Variants in MTMR2 observed in about 807,000 individuals in gnomAD.
The protein encoded by MTMR2 is phosphatidylinositol-3,5-bisphosphate 3-phosphatase MTMR2.
In MTMR2, 55 loss-of-function variants were observed where a neutral mutation model predicts 86.9. That is an observed-to-expected ratio of 0.63 (90% CI 0.51 to 0.79). The LOEUF (loss-of-function observed/expected upper bound fraction) is 0.79, where lower values mean the gene tolerates loss of function less well. Ranked by LOEUF, MTMR2 falls within the 30% of genes least tolerant of loss-of-function variation. The pLI, the probability that MTMR2 is intolerant of heterozygous loss-of-function variation, is 0.00. For synonymous variants in MTMR2, 241 were observed against 266.8 expected (o/e 0.90, Z 0.94); for missense variants, 659 against 772.3 (o/e 0.85, Z 1.74).
chr11:95,905,112 C>G (rs752986768), intron 1 of MTMR2, among the ~76,000 whole-genome samples: 2 of 152,064 alleles, frequency 1.3e-5, no homozygotes, highest in Non-Finnish European at 2.9e-5. Flanking sequence ...TACGGTTTTT[C>G]TCCTATTCCC....
rs991361566 is a variant in MTMR2 at position 95,836,058 on chromosome 11, T to C, written c.1770+90A>G. 3.1e-5 allele frequency: 39 copies of C among 1,268,920 alleles called. No homozygotes were observed. In the South Asian group the frequency reaches 4.0e-4, roughly 13 times the overall value. 78.6% of individuals were successfully genotyped at this position (1,268,920 alleles called of 1,614,324 possible). On this transcript the variant is annotated intron_variant, in intron 14 of 14. Transcript: ENST00000346299. Reference sequence around the variant, plus strand: ...AATGGGTAAGGAGTAAAGTTTTAAATATGCACAGATAATCTTTCCAGCTGC... The same window carrying C: ...AATGGGTAAGGAGTAAAGTTTTAAACATGCACAGATAATCTTTCCAGCTGC...
chr11:95,905,512 A>G (rs1001124113), intron 1 of MTMR2, among the ~76,000 whole-genome samples: 3 of 152,148 alleles, frequency 2.0e-5, no homozygotes, highest in Non-Finnish European at 4.4e-5. Context: ...CAAAAAACAA[A>G]TATGTACGGG....
At chr11:95,903,465 G>A (rs1866147790) in intron 1 of MTMR2, among the ~76,000 whole-genome samples, 1 of 152,074 alleles carries the variant, frequency 6.6e-6, no homozygotes, top group Non-Finnish European at 1.5e-5. Context: ...TACCCACACA[G>A]TTGAACGAGT....
At position 95,836,130 on chromosome 11, in the gene MTMR2, A is replaced by G. The variant is rs755619692; in HGVS notation, c.1770+18T>C. The G allele has an allele frequency of 8.8e-6, 14 of 1,587,306 alleles. No homozygotes were observed. Among genetic ancestry groups the G allele is most frequent in the South Asian group, 7.7e-5 (7 of 90,888 alleles). On this transcript the variant is annotated intron_variant, in intron 14 of 14. Transcript: ENST00000346299. ...CTGCATGAATGAAAACTCCCATTGT[A>G]TATTGTAAGGCACATACCTGTGGTT...
intron 13 of MTMR2, 114 bp from the exon 14 acceptor site, chr11:95,836,438 C>T: frequency 9.9e-7 from 1 of 1,013,982 alleles, no homozygotes; most frequent in Non-Finnish European, 1.5e-6. Context: ...AGGAAGTGGA[C>T]TTGGAGACTT....
Position 95,923,938 on chromosome 11 carries a change from C to T in MTMR2, c.17G>A (p.Ser6Asn), listed in dbSNP as rs1275277634. The T allele has an allele frequency of 6.4e-7, 1 of 1,560,946 alleles. No homozygotes were observed. The highest frequency in any genetic ancestry group is 1.7e-4 in the Middle Eastern group (1 of 5,940). The change falls in exon 1 of 15, where the codon AGC (serine) becomes AAC (asparagine). Residue 6 changes from serine (S) to asparagine (N), a missense_variant. Coordinates refer to ENST00000346299, the MANE Select transcript of MTMR2 (RefSeq NM_016156.6). The stretch of plus-strand genomic sequence containing the variant: ...CGGCTGGGAGCCAAGACTCTCGCAG[C>T]TCGAGCTCTTCTCCATCGCGCGGCA... MEKSS[S>N]CESLGSQPAA...
intron 2 of MTMR2, among the ~76,000 whole-genome samples, chr11:95,870,723 C>CTT (rs1002042311): frequency 4.2e-4 from 52 of 124,004 alleles, no homozygotes; most frequent in African/African-American, 2.0e-3. Context: ...TTTTAAGGTT[C>CTT]TTTTTTTCTT....
Position 95,849,853 on chromosome 11 carries a change from A to G in MTMR2, c.814T>C (p.Trp272Arg). The change falls in exon 9 of 15, where the codon TGG becomes CGG. Residue 272 changes from tryptophan (W) to arginine (R), a missense_variant. By Grantham distance (101) the Trp-to-Arg change is moderately radical. Around this residue, in one of 3 missense-constraint regions of MTMR2, gnomAD observed 387 missense variants for 526.3 expected, o/e 0.74. Transcript: ENST00000346299. ...RSRGRIPVLS[W>R]IHPESQATIT... Reference sequence around the variant, plus strand: ...GTGGCTTGACTTTCAGGATGAATCCATGATAAAACCTTAATGAGGAAAAAA... The same window carrying G: ...GTGGCTTGACTTTCAGGATGAATCCGTGATAAAACCTTAATGAGGAAAAAA... The G allele has an allele frequency of 1.2e-6, 2 of 1,614,068 alleles. No homozygotes were observed. The highest frequency in any genetic ancestry group is 1.3e-5 in the African/African-American group (1 of 75,062).
chr11:95,875,207 A>G (rs1453632082), intron 2 of MTMR2, among the ~76,000 whole-genome samples: 8 of 152,088 alleles, frequency 5.3e-5, no homozygotes, highest in African/African-American at 1.7e-4. Flanking sequence ...ACTTGGTTCC[A>G]TTCTCCCCGT....
intron 2 of MTMR2, chr11:95,866,539 C>T (rs1864626110): frequency 6.6e-6 from 1 of 151,862 alleles, no homozygotes; most frequent in Admixed American, 6.6e-5. Context: ...TAAACAAATT[C>T]ATTCTTTTGA....
rs572675636 is a variant in MTMR2 at position 95,834,293 on chromosome 11, T to C, written c.*997A>G. 1 of 152,622 alleles carries C rather than the reference T, an allele frequency of 6.6e-6. No homozygotes were observed. The highest frequency in any genetic ancestry group is 1.9e-4 in the East Asian group (1 of 5,186). The allele number at this position is 152,622 out of a possible 1,614,324, so 9.5% of individuals were successfully genotyped here. A position where few individuals can be genotyped will look rare whatever the true frequency, so the allele number is the denominator to read the frequency against. ...ACTGGCTTTGAGATTGTAATACATC[T>C]TTTACATGCAGTGTGTTCTTTGGTA... On this transcript the variant is annotated 3_prime_UTR_variant, in exon 15 of 15. Transcript: ENST00000346299.
intron 1 of MTMR2, among the ~76,000 whole-genome samples, chr11:95,891,726 A>G (rs561578323): frequency 1.9e-4 from 29 of 152,298 alleles, no homozygotes; most frequent in African/African-American, 4.6e-4. Context: ...CCAGTCTACA[A>G]AGGGTTTTAC....
At chr11:95,881,944 A>G (rs768856434) in intron 2 of MTMR2, among the ~76,000 whole-genome samples, 27 of 152,116 alleles carry the variant, frequency 1.8e-4, no homozygotes, top group Admixed American at 3.3e-4. Flanking sequence ...CTTATTGTAG[A>G]GTTCTGATGG....
At chr11:95,867,867 T>C (rs191132127) in intron 2 of MTMR2, among the ~76,000 whole-genome samples, 2 of 150,574 alleles carry the variant, frequency 1.3e-5, no homozygotes, top group African/African-American at 4.9e-5. Context: ...CCCGAAACTT[T>C]AAAAAAGAAA....
At chr11:95,905,744 C>G (rs1396653749) in intron 1 of MTMR2, among the ~76,000 whole-genome samples, 1 of 152,088 alleles carries the variant, frequency 6.6e-6, no homozygotes, top group Non-Finnish European at 1.5e-5. Context: ...AATCAGAACT[C>G]TTTTAGAGAT....
intron 2 of MTMR2, among the ~76,000 whole-genome samples, chr11:95,885,226 C>A (rs1347144361): frequency 6.6e-6 from 1 of 152,110 alleles, no homozygotes; most frequent in Non-Finnish European, 1.5e-5. Flanking sequence ...CATTTATAAT[C>A]ACCCTACCCA....
intron 1 of MTMR2, 116 bp from the exon 2 acceptor site, chr11:95,888,377 C>A: frequency 1.4e-6 from 1 of 719,178 alleles, no homozygotes; most frequent in South Asian, 1.6e-5. Context: ...CAACTAAGTT[C>A]TGCTTTGCCT....
In MTMR2 at chr11:95,845,117, A is replaced by C. The variant is rs1273301459; in HGVS notation, c.1222T>G (p.Ser408Ala). The change falls in exon 11 of 15, where the codon TCA (serine) becomes GCA (alanine). Residue 408 changes from serine to alanine, a missense_variant. By Grantham distance (99) the Ser-to-Ala change is moderately conservative. Transcript: ENST00000346299. ...TGCACTACCACAGACGTCTTCCCTG[A>C]CTCTACCTTGTCAGCAATCCTAAGA... ...GALRIADKVE[S>A]GKTSVVVHCS... 2 of 1,613,794 alleles carry C rather than the reference A, an allele frequency of 1.2e-6. No individual in the cohort carries two copies. The highest frequency in any genetic ancestry group is 1.7e-6 in the Non-Finnish European group (2 of 1,179,874).
chr11:95,869,428 T>C (rs1358659664), intron 2 of MTMR2, among the ~76,000 whole-genome samples: 3 of 152,186 alleles, frequency 2.0e-5, no homozygotes, highest in Non-Finnish European at 4.4e-5. Flanking sequence ...CATGGTGCTT[T>C]TTTCTCTGCT....
Sources: gnomAD v4.1 joint callset for allele counts (sites outside exome capture counted in the v4.1 genomes callset) on GRCh38, gnomAD v4.1.1 for gene constraint, gnomAD v4.1.1 regional missense constraint, MANE v1.5 for transcripts, NCBI Gene and HGNC (gene_info 2026-07-23, HGNC 2026-07-21) for gene names.